The following TRIM40 variants were observed in gnomAD, a reference collection of about 807,000 sequenced individuals.
TRIM40 encodes the protein E3 ubiquitin ligase TRIM40.
A neutral mutation model predicts 26.1 loss-of-function variants in TRIM40; 27 were observed. That is an observed-to-expected ratio of 1.04 (90% confidence interval 0.76 to 1.43). The LOEUF is 1.43. Among genes scored for constraint, TRIM40 ranks in the 40% most tolerant of loss-of-function variants. The pLI is 0.00. For synonymous variants in TRIM40, 114 were observed against 120.0 expected (o/e 0.95, Z 0.33); for missense variants, 289 against 307.9 (o/e 0.94, Z 0.46).
chr6:30,143,406 T>C (rs1421808125), intron 2 of TRIM40, among the ~76,000 whole-genome samples: 7 of 151,160 alleles, frequency 4.6e-5, no homozygotes, highest in Non-Finnish European at 8.8e-5. Context: ...GTAAGGAGCA[T>C]GCATTTTGAA....
rs757259 is a variant in TRIM40, at chr6:30,147,765, G to T, written c.730G>T (p.Glu244Ter). The T allele has an allele frequency of 1.2e-6, 2 of 1,613,948 alleles. No individual in the cohort carries two copies. Among genetic ancestry groups the T allele is most frequent in the Non-Finnish European group, 8.5e-7 (1 of 1,179,948 alleles). Residue 244 changes from glutamate (E) to a stop codon, truncating the protein, a stop_gained, in exon 6 of 6, where the codon GAG becomes TAG. Transcript: ENST00000396581. LOFTEE classifies it low-confidence loss of function (END_TRUNC). Reference sequence around the variant, plus strand: ...ATTAGAGGTTATTTATCCCCAGTTGGAGAAAGGAGTCAGTGAATTGCTTCT... The same window carrying T: ...ATTAGAGGTTATTTATCCCCAGTTGTAGAAAGGAGTCAGTGAATTGCTTCT... The part of the protein sequence containing the change: ...QKLEVIYPQL[E>*]KGVSELLLQP...
chr6:30,142,708 T>C (rs1771415303), intron 2 of TRIM40, among the ~76,000 whole-genome samples: 2 of 152,140 alleles, frequency 1.3e-5, no homozygotes, highest in Admixed American at 6.6e-5. Flanking sequence ...TGGAATTTCA[T>C]ATAGTATGTT....
In TRIM40 at chr6:30,148,692, C is replaced by A. The variant is rs891474393; in HGVS notation, c.*880C>A. ...GTGAAGCTGTGCCAAAATTTCCCAC[C>A]CACAGAAACAGTGTGACAATAAATG... On this transcript the variant is annotated 3_prime_UTR_variant, in exon 6 of 6. Transcript: ENST00000396581. The A allele has an allele frequency of 1.3e-5, 2 of 152,212 alleles. No homozygotes were observed. Among genetic ancestry groups the A allele is most frequent in the African/African-American group, 4.8e-5 (2 of 41,430 alleles). 9.4% of individuals were successfully genotyped at this position (152,212 alleles called of 1,614,324 possible).
chr6:30,147,901 A>T lies in TRIM40; in HGVS notation c.*89A>T, dbSNP rs2127428789. 9.8e-6 allele frequency: 11 copies of T among 1,123,920 alleles called. No homozygotes were observed. The highest frequency in any genetic ancestry group is 1.5e-5 in the Non-Finnish European group (11 of 743,306). The allele number at this position is 1,123,920 out of a possible 1,614,324, so 69.6% of individuals were successfully genotyped here. A position where few individuals can be genotyped will look rare whatever the true frequency, so the allele number is the denominator to read the frequency against. ...ACCTGTCCAGGCCCCCACTGGGTCT[A>T]CCCAGTGCATCTTCGGGCCTGCCAG... On this transcript the variant is annotated 3_prime_UTR_variant, in exon 6 of 6. Coordinates refer to ENST00000396581, the MANE Select transcript of TRIM40 (RefSeq NM_001286633.2).
intron 5 of TRIM40, 33 bp downstream of exon 5, chr6:30,147,575 G>A (rs761069800): frequency 6.2e-7 from 1 of 1,614,112 alleles, no homozygotes; most frequent in South Asian, 1.1e-5. Flanking sequence ...TCCCACATGT[G>A]CATATAAACC....
At chr6:30,140,143 A>G (rs1315358275) in intron 2 of TRIM40, among the ~76,000 whole-genome samples, 1 of 152,218 alleles carries the variant, frequency 6.6e-6, no homozygotes, top group Non-Finnish European at 1.5e-5. Context: ...TAGTTCAACC[A>G]TTGTGGAAGA....
chr6:30,141,974 G>T (rs1771372852), intron 2 of TRIM40, among the ~76,000 whole-genome samples: 1 of 152,122 alleles, frequency 6.6e-6, no homozygotes, highest in African/African-American at 2.4e-5. Flanking sequence ...CATGGATAAG[G>T]AGTTGTCTGA....
chr6:30,137,354 C>A lies in TRIM40; in HGVS notation c.318C>A (p.Thr106=). 1 of 1,612,718 alleles carries A rather than the reference C, an allele frequency of 6.2e-7. No individual in the cohort carries two copies. The highest frequency in any genetic ancestry group is 8.5e-7 in the Non-Finnish European group (1 of 1,179,842). ...SPEHMSHHEL[T]IENALSHYKE... ...AACACATGTCTCATCATGAACTGAC[C>A]ATTGAAAATGCCCTCAGCCACTACA... The change falls in exon 2 of 6, where the codon ACC becomes ACA. Residue 106 remains threonine, a synonymous_variant. Transcript: ENST00000396581.
At chr6:30,140,745 G>A (rs535311361) in intron 2 of TRIM40, among the ~76,000 whole-genome samples, 29 of 152,264 alleles carry the variant, frequency 1.9e-4, no homozygotes, top group African/African-American at 6.3e-4. Flanking sequence ...TTGAAGGAAG[G>A]AGGAAGGTCA....
At chr6:30,144,210 A>C (rs752317598) in intron 2 of TRIM40, among the ~76,000 whole-genome samples, 2 of 152,114 alleles carry the variant, frequency 1.3e-5, no homozygotes, top group Non-Finnish European at 2.9e-5. Flanking sequence ...TGTTGCTGAG[A>C]AGCCATTTTG....
Position 30,137,286 on chromosome 6 carries a change from G to A in TRIM40, c.250G>A (p.Glu84Lys). Residue 84 changes from glutamate (E) to lysine (K), a missense_variant, in exon 2 of 6, where the codon GAG (glutamate) becomes AAG (lysine). Physicochemically the swap from Glu to Lys is moderately conservative, Grantham distance 56. Coordinates refer to ENST00000396581, the MANE Select transcript of TRIM40 (RefSeq NM_001286633.2). ...HQKRVCRFCE[E>K]SRLLLCVECL... The stretch of plus-strand genomic sequence containing the variant: ...GAAGAGGGTGTGCAGGTTCTGTGAG[G>A]AGAGCAGACTTCTTCTATGTGTGGA... 1 of 1,613,074 alleles carries A rather than the reference G, an allele frequency of 6.2e-7. No individual in the cohort carries two copies. The highest frequency in any genetic ancestry group is 8.5e-7 in the Non-Finnish European group (1 of 1,180,026).
chr6:30,145,992 A>T lies in TRIM40; in HGVS notation c.346-2A>T. ...GACAAGCAGGTGTGTCTGTCTCTTT[A>T]GGAACGACTCAATCGCCGGAGCAGG... On this transcript the variant is annotated splice_acceptor_variant, in intron 2 of 5. Transcript: ENST00000396581. LOFTEE classifies it high-confidence loss of function. 1 of 1,612,814 alleles carries T rather than the reference A, an allele frequency of 6.2e-7. No individual in the cohort carries two copies. The highest frequency in any genetic ancestry group is 1.1e-5 in the South Asian group (1 of 91,034).
rs1481476208 is a variant in TRIM40, at chr6:30,146,000, C to T, written c.352C>T (p.Leu118Phe). ...ENALSHYKER[L>F]NRRSRKLRKD... Reference sequence around the variant, plus strand: ...GGTGTGTCTGTCTCTTTAGGAACGACTCAATCGCCGGAGCAGGAAGCTCAG... The same window carrying T: ...GGTGTGTCTGTCTCTTTAGGAACGATTCAATCGCCGGAGCAGGAAGCTCAG... Residue 118 changes from leucine (L) to phenylalanine (F), a missense_variant, in exon 3 of 6, where the codon CTC becomes TTC. Transcript: ENST00000396581. The T allele has an allele frequency of 1.2e-6, 2 of 1,613,034 alleles. No homozygotes were observed. The highest frequency in any genetic ancestry group is 1.7e-6 in the Non-Finnish European group (2 of 1,179,996).
In TRIM40 at chr6:30,137,007, A is replaced by T; in HGVS notation, c.-30A>T. 6.3e-7 allele frequency: 1 copy of T among 1,595,608 alleles called. No individual in the cohort carries two copies. The highest frequency in any genetic ancestry group is 8.6e-7 in the Non-Finnish European group (1 of 1,168,992). ...ACCAGTGAAGAAGGAGGCCCTGCAA[A>T]CAGGAGGCTGACAGGGTAGGAACGA... On this transcript the variant is annotated 5_prime_UTR_variant, in exon 2 of 6. Coordinates refer to ENST00000396581, the MANE Select transcript of TRIM40 (RefSeq NM_001286633.2).
At chr6:30,144,734 C>T (rs1355854340) in intron 2 of TRIM40, among the ~76,000 whole-genome samples, 5 of 152,022 alleles carry the variant, frequency 3.3e-5, no homozygotes, top group Non-Finnish European at 7.4e-5. Flanking sequence ...TGAGGAATGA[C>T]GACAGTGAGG....
At position 30,147,543 on chromosome 6, in the gene TRIM40, G is replaced by C; in HGVS notation, c.689+1G>C. On this transcript the variant is annotated splice_donor_variant, in intron 5 of 5. Transcript: ENST00000396581. LOFTEE classifies it high-confidence loss of function. ...AGAATGCTGGTGACTTACTGAACAG[G>C]TACGAGCTGTCCCTTCTTCTTTCCC... 1 of 1,614,136 alleles carries C rather than the reference G, an allele frequency of 6.2e-7. No individual in the cohort carries two copies. Among genetic ancestry groups the C allele is most frequent in the South Asian group, 1.1e-5 (1 of 91,084 alleles).
chr6:30,146,154 T>C, intron 3 of TRIM40, 65 bp downstream of exon 3: 2 of 1,309,958 alleles, frequency 1.5e-6, no homozygotes, highest in Non-Finnish European at 2.2e-6. Context: ...ACTTAACTAT[T>C]CTGGACATCT....
intron 2 of TRIM40, among the ~76,000 whole-genome samples, chr6:30,139,667 G>T (rs905771415): frequency 6.6e-6 from 1 of 152,124 alleles, no homozygotes. Context: ...ACAGTAATGG[G>T]TGGCCCATGT....
At chr6:30,137,425 G>A (rs1166552264) in intron 2 of TRIM40, 44 bp downstream of exon 2, 1 of 1,549,604 alleles carries the variant, frequency 6.5e-7, no homozygotes, top group Non-Finnish European at 8.8e-7. Flanking sequence ...CCACCTCGCT[G>A]AGGTGCTGCA....
Sources: allele counts gnomAD v4.1 joint callset (sites outside exome capture counted in the v4.1 genomes callset), GRCh38; gene constraint gnomAD v4.1.1; transcripts MANE v1.5; gene names NCBI Gene and HGNC (gene_info 2026-07-23, HGNC 2026-07-21).